Variants in ZNRF1 observed in about 807,000 individuals in gnomAD.
The protein encoded by ZNRF1 is E3 ubiquitin-protein ligase ZNRF1.
ZNRF1 carries 3 observed loss-of-function variants against 18.4 expected under a neutral mutation model. The observed-to-expected ratio is 0.16, with a 90% CI of 0.07 to 0.42. ZNRF1 has a LOEUF of 0.42. ZNRF1 is among the 10% of genes least tolerant of loss of function. ZNRF1 has a pLI of 0.99. For synonymous variants in ZNRF1, 157 were observed against 144.2 expected (o/e 1.09, Z -0.64); for missense variants, 310 against 329.8 (o/e 0.94, Z 0.47).
At chr16:75,105,258 T>G (rs1473883958) in intron 3 of ZNRF1, 7 of 244,168 alleles carry the variant, frequency 2.9e-5, no homozygotes, top group Non-Finnish European at 5.8e-5. Flanking sequence ...TCCACAGGGG[T>G]AGAACATCAA....
intron 1 of ZNRF1, among the ~76,000 whole-genome samples, chr16:75,002,135 T>A (rs1332933785): frequency 6.6e-6 from 1 of 152,202 alleles, no homozygotes; most frequent in Non-Finnish European, 1.5e-5. Context: ...AATTCCCAAA[T>A]GCCCTCTGGG....
At chr16:75,065,360 A>G (rs578220872) in intron 1 of ZNRF1, among the ~76,000 whole-genome samples, 10 of 151,842 alleles carry the variant, frequency 6.6e-5, no homozygotes, top group African/African-American at 2.4e-5. Context: ...CAACTCCTCA[A>G]CTCCTCCAGG....
intron 3 of ZNRF1, chr16:75,106,197 C>T: frequency 2.4e-6 from 1 of 417,996 alleles, no homozygotes; most frequent in Middle Eastern, 7.1e-4. Context: ...GGGCTCTGCA[C>T]AGAAAGCTTT....
chr16:75,100,380 CCCCCTT>C (rs143418929), intron 2 of ZNRF1, among the ~76,000 whole-genome samples: 1 of 152,274 alleles, frequency 6.6e-6, no homozygotes, highest in Non-Finnish European at 1.5e-5. Flanking sequence ...CGCCCTCGCG[CCCCCTT>C]CCCCTTCCCC....
At position 75,106,511 on chromosome 16, in the gene ZNRF1, G is replaced by T; in HGVS notation, c.656G>T (p.Arg219Ile). Residue 219 changes from arginine to isoleucine, a missense_variant, in exon 4 of 5, where the codon AGA becomes ATA. Coordinates refer to ENST00000335325, the MANE Select transcript of ZNRF1 (RefSeq NM_032268.5). Reference protein sequence around the residue: ...SCIDSWFEVNRSCPEHPAD With the variant: ...SCIDSWFEVNISCPEHPAD The stretch of plus-strand genomic sequence containing the variant: ...ATAGACTCGTGGTTTGAAGTGAACA[G>T]ATCTTGTCCGGAACACCCTGCGGAC... The T allele has an allele frequency of 6.2e-7, 1 of 1,614,134 alleles. No homozygotes were observed. Among genetic ancestry groups the T allele is most frequent in the Non-Finnish European group, 8.5e-7 (1 of 1,180,020 alleles).
At chr16:75,078,174 C>T (rs1203051806) in intron 1 of ZNRF1, among the ~76,000 whole-genome samples, 1 of 152,004 alleles carries the variant, frequency 6.6e-6, no homozygotes, top group East Asian at 1.9e-4. Context: ...TGCCCTTGGT[C>T]ACATAACTTG....
intron 1 of ZNRF1, among the ~76,000 whole-genome samples, chr16:75,049,959 G>A (rs1320177601): frequency 6.6e-6 from 1 of 151,822 alleles, no homozygotes; most frequent in Non-Finnish European, 1.5e-5. Context: ...GATCCCTAAT[G>A]CTGCCCATTA....
At chr16:75,004,566 C>G (rs1253865456) in intron 1 of ZNRF1, among the ~76,000 whole-genome samples, 1 of 152,174 alleles carries the variant, frequency 6.6e-6, no homozygotes, top group Non-Finnish European at 1.5e-5. Context: ...TCTTTATTGT[C>G]ATCAAGCCAT....
Position 75,000,055 on chromosome 16 carries a change from A to C in ZNRF1, c.384A>C (p.Leu128=), listed in dbSNP as rs753245714. Residue 128 remains leucine, a synonymous_variant, in exon 1 of 5, where the codon CTA becomes CTC. Coordinates refer to ENST00000335325, the MANE Select transcript of ZNRF1 (RefSeq NM_032268.5). ...CCCGAGCCTCGCTGGCGGATGCTCT[A>C]CCTCTGCACATCGCACCCAGGTGGT... ...LGSRASLADA[L]PLHIAPRWFS... is the part of the protein sequence containing the mutation. 2.3e-5 allele frequency: 37 copies of C among 1,601,410 alleles called. No homozygotes were observed. Among genetic ancestry groups the C allele is most frequent in the Non-Finnish European group, 2.6e-5 (31 of 1,175,404 alleles).
At chr16:75,095,108 C>G (rs140760354) in intron 2 of ZNRF1, 4 of 152,956 alleles carry the variant, frequency 2.6e-5, no homozygotes, top group African/African-American at 4.8e-5. Context: ...CCACTCAGGT[C>G]TCCTGAAAAC....
chr16:75,052,549 T>A (rs368667428), intron 1 of ZNRF1, among the ~76,000 whole-genome samples: 6 of 152,124 alleles, frequency 3.9e-5, no homozygotes, highest in African/African-American at 1.4e-4. Flanking sequence ...ATAAAGAAGC[T>A]TGGGGATGTG....
chr16:75,050,904 A>AAAAAC (rs1567478947), intron 1 of ZNRF1, among the ~76,000 whole-genome samples: 6 of 128,552 alleles, frequency 4.7e-5, no homozygotes, highest in Admixed American at 1.6e-4. Flanking sequence ...AAAAACAAAA[A>AAAAAC]ACTTGTAGCC....
chr16:75,072,823 C>T (rs543643742), intron 1 of ZNRF1, among the ~76,000 whole-genome samples: 18 of 152,266 alleles, frequency 1.2e-4, no homozygotes, highest in South Asian at 6.2e-4. Context: ...GGCCCTGTGA[C>T]CAGCAATCCC....
intron 1 of ZNRF1, among the ~76,000 whole-genome samples, chr16:75,047,472 G>A (rs191508397): frequency 1.3e-5 from 2 of 152,338 alleles, no homozygotes; most frequent in African/African-American, 4.8e-5. Context: ...TTATTTATTT[G>A]TATTCATAGC....
chr16:75,006,426 AGTTTGTTT>A (rs554500060), intron 1 of ZNRF1, among the ~76,000 whole-genome samples: 12 of 151,350 alleles, frequency 7.9e-5, no homozygotes, highest in Admixed American at 1.3e-4. Context: ...AACCTCAGTC[AGTTTGTTT>A]GTTTGTTTGT....
chr16:75,098,159 C>T (rs1466665171), intron 2 of ZNRF1, among the ~76,000 whole-genome samples: 2 of 152,242 alleles, frequency 1.3e-5, no homozygotes, highest in East Asian at 3.9e-4. Context: ...TGACTGCTCA[C>T]CCAGGGTGTC....
chr16:75,050,901 A>AAAAAC (rs2035591023), intron 1 of ZNRF1, among the ~76,000 whole-genome samples: 1 of 133,594 alleles, frequency 7.5e-6, no homozygotes, highest in Non-Finnish European at 1.6e-5. Context: ...AAAAAAAACA[A>AAAAAC]AAAACTTGTA....
chr16:75,055,269 T>C (rs930008854), intron 1 of ZNRF1, among the ~76,000 whole-genome samples: 8 of 152,214 alleles, frequency 5.3e-5, no homozygotes, highest in South Asian at 2.1e-4. Context: ...CTAGAACTTA[T>C]TTATTTTTAT....
intron 1 of ZNRF1, among the ~76,000 whole-genome samples, chr16:75,036,087 G>A (rs1353531142): frequency 6.6e-6 from 1 of 151,992 alleles, no homozygotes; most frequent in East Asian, 1.9e-4. Context: ...GGGGTGTGAG[G>A]GGACCTCTCC....
Sources: gnomAD v4.1 joint callset for allele counts (sites outside exome capture counted in the v4.1 genomes callset) on GRCh38, gnomAD v4.1.1 for gene constraint, MANE v1.5 for transcripts, NCBI Gene and HGNC (gene_info 2026-07-23, HGNC 2026-07-21) for gene names.